Variants in LIN28B observed in about 807,000 individuals in gnomAD.
LIN28B encodes protein lin-28 homolog B.
In LIN28B, 5 loss-of-function variants were observed where a neutral mutation model predicts 21.9. The ratio of observed to expected loss-of-function variants is 0.23; its 90% confidence interval spans 0.12 to 0.48. The LOEUF (loss-of-function observed/expected upper bound fraction) is 0.48. Among genes scored for constraint, LIN28B ranks in the 20% least tolerant of loss-of-function variants. The pLI is 0.98. For missense variants in LIN28B, 245 were observed against 310.5 expected, an observed-to-expected ratio of 0.79 and a Z score of 1.58; for synonymous variants, 109 against 111.3, an observed-to-expected ratio of 0.98 and a Z score of 0.13.
At chr6:105,058,026 AT>A in intron 3 of LIN28B, 3 of 376,616 alleles carry the variant, frequency 8.0e-6, no homozygotes, top group Admixed American at 3.7e-5. Flanking sequence ...GTCTTTTATG[AT>A]TTTTTTAACC....
chr6:105,016,480 A>G (rs1353395962), intron 2 of LIN28B, among the ~76,000 whole-genome samples: 1 of 152,214 alleles, frequency 6.6e-6, no homozygotes, highest in Admixed American at 6.5e-5. Context: ...ATTAAGCATT[A>G]TGATAGACAA....
rs199535627 is a variant in LIN28B at position 104,958,108 on chromosome 6, G to T, written c.20G>T (p.Ser7Ile). MAEGGA[S>I]KGGGEEPGKL... ...TCCTGTTCCTTCTCAGGCGGGGCTA[G>T]CAAAGGTGGTGGAGAAGAGCCCGGG... Residue 7 changes from serine to isoleucine, a missense_variant, in exon 2 of 4, where the codon AGC (serine) becomes ATC (isoleucine). Physicochemically the swap from Ser to Ile is moderately radical, Grantham distance 142. Coordinates refer to ENST00000345080, the MANE Select transcript of LIN28B (RefSeq NM_001004317.4). 6 of 1,582,618 alleles carry T rather than the reference G, an allele frequency of 3.8e-6. No homozygotes were observed. The African/African-American group carries it at 6.7e-5, about 18-fold the overall frequency.
chr6:105,040,151 G>T (rs1771603265), intron 3 of LIN28B, among the ~76,000 whole-genome samples: 1 of 152,024 alleles, frequency 6.6e-6, no homozygotes, highest in South Asian at 2.1e-4. Context: ...TTCTACTCTA[G>T]TATATTGATA....
intron 2 of LIN28B, among the ~76,000 whole-genome samples, chr6:104,998,313 A>T (rs903612102): frequency 1.3e-5 from 2 of 152,192 alleles, no homozygotes; most frequent in Non-Finnish European, 2.9e-5. Flanking sequence ...TAAAAGAGGG[A>T]TGTAAATCTG....
chr6:105,018,497 C>T (rs1042134228), intron 2 of LIN28B, among the ~76,000 whole-genome samples: 4 of 152,140 alleles, frequency 2.6e-5, no homozygotes, highest in Non-Finnish European at 5.9e-5. Flanking sequence ...CACTCTCTCT[C>T]CATGCACTCA....
intron 3 of LIN28B, among the ~76,000 whole-genome samples, chr6:105,062,563 A>G (rs1772142644): frequency 6.6e-6 from 1 of 152,172 alleles, no homozygotes; most frequent in East Asian, 1.9e-4. Flanking sequence ...ACAAACTCAA[A>G]TGTTTCTTGC....
Position 105,079,918 on chromosome 6 carries a change from A to T in LIN28B, c.*1135A>T, listed in dbSNP as rs1187007403. 3.3e-5 allele frequency: 5 copies of T among 152,202 alleles called. No individual in the cohort carries two copies. Among genetic ancestry groups the T allele is most frequent in the Admixed American group, 6.5e-5 (1 of 15,280 alleles). The allele number at this position is 152,202 out of a possible 1,614,324, so 9.4% of individuals were successfully genotyped here. On this transcript the variant is annotated 3_prime_UTR_variant, in exon 4 of 4. Transcript: ENST00000345080. ...GTGGATGTTCACAGTTGCCCAATAT[A>T]TATGACCTGCAAATGATACGAAAAA...
chr6:104,950,475 G>C (rs1177059182), exon 3 of LIN28B: 1 of 1,229,304 alleles, frequency 8.1e-7, no homozygotes, highest in East Asian at 3.2e-5. Context: ...TTCAGAAGAG[G>C]ATGAGGTCAT....
At chr6:104,959,469 T>C (rs915304317) in intron 2 of LIN28B, among the ~76,000 whole-genome samples, 3 of 152,216 alleles carry the variant, frequency 2.0e-5, no homozygotes, top group African/African-American at 7.2e-5. Flanking sequence ...ATATAAACAA[T>C]AGAAACATAT....
chr6:104,999,773 C>T (rs933899079), intron 2 of LIN28B, among the ~76,000 whole-genome samples: 7 of 152,120 alleles, frequency 4.6e-5, no homozygotes, highest in East Asian at 3.9e-4. Context: ...TTCTGCCTCC[C>T]GGGTTCAAGT....
intron 2 of LIN28B, among the ~76,000 whole-genome samples, chr6:104,970,585 G>A (rs549964262): frequency 3.9e-4 from 60 of 151,916 alleles, no homozygotes; most frequent in African/African-American, 1.3e-3. Context: ...AAAATAATAC[G>A]GACCTTTTAA....
chr6:104,991,421 C>T (rs1230700080), intron 2 of LIN28B, among the ~76,000 whole-genome samples: 8 of 148,866 alleles, frequency 5.4e-5, no homozygotes, highest in East Asian at 2.0e-4. Context: ...GACGGGGCGG[C>T]GGGGCAGAGG....
At chr6:105,020,862 C>T (rs1771125995) in intron 2 of LIN28B, among the ~76,000 whole-genome samples, 1 of 148,752 alleles carries the variant, frequency 6.7e-6, no homozygotes, top group South Asian at 2.1e-4. Flanking sequence ...ACGCCATTCT[C>T]TTGCCTCAGC....
chr6:105,004,808 AT>A (rs1465681296), intron 2 of LIN28B, among the ~76,000 whole-genome samples: 1 of 152,154 alleles, frequency 6.6e-6, no homozygotes, highest in African/African-American at 2.4e-5. Context: ...TCATCTGCCA[AT>A]TTTTGTTGTT....
Position 105,032,550 on chromosome 6 carries a change from C to A in LIN28B, c.383+6068C>A, listed in dbSNP as rs189832968. Reference sequence around the variant, plus strand: ...ACCTAGCCTGGGCAACATGGAGAAACCCTGTCATTGCAAAAAGTAAAAAAA... The same window carrying A: ...ACCTAGCCTGGGCAACATGGAGAAAACCTGTCATTGCAAAAAGTAAAAAAA... On this transcript the variant is annotated intron_variant, in intron 3 of 3. Coordinates refer to ENST00000345080, the MANE Select transcript of LIN28B (RefSeq NM_001004317.4). Among the ~76,000 whole-genome samples, 472 of 152,038 alleles carry A rather than the reference C, an allele frequency of 3.1e-3. 6 individuals are homozygous for A. Among genetic ancestry groups the A allele is most frequent in the African/African-American group, 0.011 (451 of 41,490 alleles).
intron 2 of LIN28B, among the ~76,000 whole-genome samples, chr6:104,988,546 C>T (rs1301649415): frequency 6.8e-6 from 1 of 146,140 alleles, no homozygotes; most frequent in Non-Finnish European, 1.5e-5. Context: ...GATTTTTAAA[C>T]TACATATAGG....
intron 2 of LIN28B, among the ~76,000 whole-genome samples, chr6:104,996,999 A>G (rs1770619766): frequency 6.6e-6 from 1 of 152,062 alleles, no homozygotes; most frequent in Non-Finnish European, 1.5e-5. Flanking sequence ...AGGAAAAGAA[A>G]GGCCGGGCAC....
intron 2 of LIN28B, among the ~76,000 whole-genome samples, chr6:105,005,178 G>A (rs1275896631): frequency 2.0e-5 from 3 of 152,104 alleles, no homozygotes; most frequent in African/African-American, 7.2e-5. Context: ...TTGCTGTAGA[G>A]AACTCAGGTG....
Position 104,997,665 on chromosome 6 carries a change from T to TA in LIN28B, c.199-28632dup, listed in dbSNP as rs149103296. Among the ~76,000 whole-genome samples, 627 of 152,074 alleles carry TA rather than the reference T, an allele frequency of 4.1e-3. 3 individuals are homozygous for TA. The highest frequency in any genetic ancestry group is 0.015 in the African/African-American group (617 of 41,454). Reference sequence around the variant, plus strand: ...GAGGTTTGACATTTGGTGATGATGATAGAGAATAATGATGGTAGAATTTCT... The same window carrying TA: ...GAGGTTTGACATTTGGTGATGATGATAAGAGAATAATGATGGTAGAATTTCT... On this transcript the variant is annotated intron_variant, in intron 2 of 3. Coordinates refer to ENST00000345080, the MANE Select transcript of LIN28B (RefSeq NM_001004317.4).
Sources: allele counts gnomAD v4.1 joint callset (sites outside exome capture counted in the v4.1 genomes callset), GRCh38; gene constraint gnomAD v4.1.1; transcripts MANE v1.5; gene names NCBI Gene and HGNC (gene_info 2026-07-23, HGNC 2026-07-21).